Variants in UNC13C observed in about 807,000 individuals in gnomAD.
UNC13C encodes protein unc-13 homolog C.
Under a neutral mutation model 245.4 loss-of-function variants are expected in UNC13C, and 174 were observed. The ratio of observed to expected loss-of-function variants is 0.71; its 90% CI spans 0.63 to 0.80. UNC13C has a LOEUF of 0.80. Ranked by LOEUF, UNC13C falls within the 30% of genes least tolerant of loss-of-function variation. The probability of loss-of-function intolerance (pLI) is 0.00; values close to 1 mark genes in which losing one functional copy is unlikely to be tolerated. For synonymous variants in UNC13C, 992 were observed against 895.1 expected (o/e 1.11, Z -1.93); for missense variants, 2,829 against 2,602.9 (o/e 1.09, Z -1.89).
intron 2 of UNC13C, among the ~76,000 whole-genome samples, chr15:54,129,739 C>A (rs141882018): frequency 6.6e-6 from 1 of 151,248 alleles, no homozygotes. Flanking sequence ...TTTACTGTAC[C>A]TTTAACTATA....
chr15:54,520,698 CAG>C (rs995368034), intron 24 of UNC13C, among the ~76,000 whole-genome samples: 115 of 152,216 alleles, frequency 7.6e-4, no homozygotes, highest in African/African-American at 2.7e-3. Flanking sequence ...CCTTGGGAAA[CAG>C]AGCAAACAAC....
At chr15:54,367,902 A>G (rs888619792) in intron 17 of UNC13C, among the ~76,000 whole-genome samples, 6 of 152,136 alleles carry the variant, frequency 3.9e-5, no homozygotes, top group Non-Finnish European at 8.8e-5. Context: ...ATTTACGTTT[A>G]TTTTAAACTT....
chr15:54,172,081 G>A (rs1256539934), intron 4 of UNC13C, among the ~76,000 whole-genome samples: 1 of 152,094 alleles, frequency 6.6e-6, no homozygotes, highest in Non-Finnish European at 1.5e-5. Flanking sequence ...ATGGAGATAA[G>A]AGTAGAATGA....
intron 8 of UNC13C, among the ~76,000 whole-genome samples, chr15:54,261,677 G>C (rs1365746542): frequency 6.6e-6 from 1 of 152,058 alleles, no homozygotes; most frequent in East Asian, 1.9e-4. Flanking sequence ...CGAGGTAGCT[G>C]GGACTACAGG....
At chr15:53,940,822 A>T in the UNC13C span, among the ~76,000 whole-genome samples, 1 of 152,248 alleles carries the variant, frequency 6.6e-6, no homozygotes, top group Non-Finnish European at 1.5e-5. Flanking sequence ...CAGGACACAA[A>T]GAAATGGAAA....
intron 10 of UNC13C, among the ~76,000 whole-genome samples, chr15:54,284,591 G>A (rs2037092253): frequency 6.6e-6 from 1 of 151,788 alleles, no homozygotes; most frequent in Non-Finnish European, 1.5e-5. Flanking sequence ...AAGAAATGGT[G>A]AATAGAAATC....
chr15:54,202,838 G>A (rs12437734), intron 4 of UNC13C, among the ~76,000 whole-genome samples: 28,103 of 151,904 alleles, frequency 0.19, 2,880 homozygotes, highest in East Asian at 0.24. Context: ...AAACTAAAAA[G>A]CATCGGCACA....
At chr15:54,306,790 G>A (rs1567175435) in intron 13 of UNC13C, among the ~76,000 whole-genome samples, 1 of 151,926 alleles carries the variant, frequency 6.6e-6, no homozygotes. Flanking sequence ...TTACCTTGAT[G>A]TGCTTACAAA....
chr15:53,939,547 C>G, the UNC13C span, among the ~76,000 whole-genome samples: 1 of 152,122 alleles, frequency 6.6e-6, no homozygotes, highest in Non-Finnish European at 1.5e-5. Flanking sequence ...ACGAAAACTT[C>G]AGGCCAGTAT....
intron 17 of UNC13C, among the ~76,000 whole-genome samples, chr15:54,369,245 T>C (rs745757969): frequency 1.3e-5 from 2 of 151,988 alleles, no homozygotes; most frequent in Non-Finnish European, 2.9e-5. Context: ...GAATGCATTT[T>C]AATTTCATGT....
the UNC13C span, among the ~76,000 whole-genome samples, chr15:53,844,556 T>C: frequency 3.3e-5 from 5 of 152,222 alleles, no homozygotes; most frequent in African/African-American, 9.6e-5. Flanking sequence ...TGCACTCTCA[T>C]ATAGCCTGGA....
At chr15:54,399,155 A>G (rs2040130372) in intron 18 of UNC13C, among the ~76,000 whole-genome samples, 1 of 151,646 alleles carries the variant, frequency 6.6e-6, no homozygotes, top group South Asian at 2.1e-4. Flanking sequence ...TGGAAATGTC[A>G]TATTTATAGG....
chr15:54,448,938 C>G (rs1286886087), intron 19 of UNC13C, among the ~76,000 whole-genome samples: 12 of 152,182 alleles, frequency 7.9e-5, no homozygotes, highest in Non-Finnish European at 1.5e-4. Context: ...ATGTTTAGTG[C>G]TTCCTTCAGG....
intron 4 of UNC13C, among the ~76,000 whole-genome samples, chr15:54,231,350 T>C (rs1423902567): frequency 6.6e-6 from 1 of 152,042 alleles, no homozygotes; most frequent in Non-Finnish European, 1.5e-5. Flanking sequence ...ATATTAATTG[T>C]AGACCTCAGT....
chr15:54,224,722 T>C (rs374853158), intron 4 of UNC13C, among the ~76,000 whole-genome samples: 2 of 152,224 alleles, frequency 1.3e-5, no homozygotes, highest in East Asian at 3.9e-4. Flanking sequence ...ATAAGATTGG[T>C]ATTAGTTCTT....
intron 19 of UNC13C, among the ~76,000 whole-genome samples, chr15:54,443,875 C>T (rs575453073): frequency 6.6e-6 from 1 of 152,084 alleles, no homozygotes; most frequent in African/African-American, 2.4e-5. Flanking sequence ...AATGTATATT[C>T]CGTAGCTGTT....
intron 30 of UNC13C, 50 bp from the exon 31 acceptor site, chr15:54,622,277 T>C (rs759756441): frequency 2.4e-6 from 3 of 1,245,622 alleles, no homozygotes; most frequent in Non-Finnish European, 3.6e-6. Flanking sequence ...AAATTGTCCA[T>C]TATTAATGAG....
chr15:54,193,728 G>A (rs370924567), intron 4 of UNC13C, among the ~76,000 whole-genome samples: 1 of 152,184 alleles, frequency 6.6e-6, no homozygotes, highest in Non-Finnish European at 1.5e-5. Flanking sequence ...ATCTAGACTT[G>A]TACTATAAGG....
At chr15:54,074,672 T>C (rs1043732058) in intron 2 of UNC13C, among the ~76,000 whole-genome samples, 2 of 152,184 alleles carry the variant, frequency 1.3e-5, no homozygotes, top group Non-Finnish European at 2.9e-5. Context: ...ATGGTTTGGC[T>C]GTTTGTCTAT....
Sources: allele counts gnomAD v4.1 joint callset (sites outside exome capture counted in the v4.1 genomes callset), GRCh38; gene constraint gnomAD v4.1.1; transcripts MANE v1.5; gene names NCBI Gene and HGNC (gene_info 2026-07-23, HGNC 2026-07-21).